NUP37: variants seen among roughly 807,000 people sequenced by gnomAD.
NUP37 encodes the protein nucleoporin Nup37.
A neutral mutation model predicts 45.4 loss-of-function variants in NUP37; 33 were observed. The observed-to-expected ratio is 0.73, with a 90% CI of 0.55 to 0.97. The LOEUF (loss-of-function observed/expected upper bound fraction) is 0.97. Ranked by LOEUF, NUP37 falls within the 50% of genes least tolerant of loss-of-function variation. The pLI is 0.00. For missense variants in NUP37, 365 were observed against 389.7 expected, an observed-to-expected ratio of 0.94 and a Z score of 0.53; for synonymous variants, 127 against 130.7, an observed-to-expected ratio of 0.97 and a Z score of 0.19.
intron 4 of NUP37, 31 bp downstream of exon 4, chr12:102,101,001 G>T: frequency 1.5e-6 from 2 of 1,300,210 alleles, no homozygotes; most frequent in Non-Finnish European, 2.1e-6. Context: ...TTTAAAATAA[G>T]CTCTAAAGAT....
At chr12:102,096,185 T>C (rs1594392611) in intron 5 of NUP37, among the ~76,000 whole-genome samples, 1 of 152,122 alleles carries the variant, frequency 6.6e-6, no homozygotes, top group East Asian at 1.9e-4. Context: ...AAAGGTGTGG[T>C]AGGCATTATA....
intron 4 of NUP37, 69 bp downstream of exon 4, chr12:102,100,963 C>T: frequency 1.1e-6 from 1 of 905,520 alleles, no homozygotes; most frequent in African/African-American, 1.8e-5. Context: ...GGAATAAATC[C>T]AATTAAAAAA....
intron 5 of NUP37, among the ~76,000 whole-genome samples, chr12:102,091,438 CAA>C (rs1384460213): frequency 1.3e-5 from 1 of 78,632 alleles, no homozygotes; most frequent in Non-Finnish European, 2.8e-5. Flanking sequence ...ACCCAAAAAA[CAA>C]AAAAAACCCC....
chr12:102,104,086 C>T (rs985647699), intron 3 of NUP37, among the ~76,000 whole-genome samples: 1 of 152,154 alleles, frequency 6.6e-6, no homozygotes, highest in Non-Finnish European at 1.5e-5. Flanking sequence ...TACTGACCAA[C>T]AGTATAGAAA....
chr12:102,075,070 C>G lies in NUP37; in HGVS notation c.798G>C (p.Leu266=), dbSNP rs774142536. The change falls in exon 9 of 10, where the codon CTG becomes CTC. Residue 266 remains leucine (L), a synonymous_variant. Transcript: ENST00000552283. ...TGCCAGGATAACCAGTGGTTGCAAA[C>G]AGATTTTCACTAATTGTGGACCACC... ...LFRWSTISEN[L]FATTGYPGKM... The G allele has an allele frequency of 2.5e-6, 4 of 1,610,258 alleles. No individual in the cohort carries two copies. Among genetic ancestry groups the G allele is most frequent in the Non-Finnish European group, 2.5e-6 (3 of 1,177,736 alleles).
intron 1 of NUP37, among the ~76,000 whole-genome samples, chr12:102,119,717 C>CA (rs1165554902): frequency 5.3e-5 from 8 of 152,056 alleles, no homozygotes; most frequent in Admixed American, 2.6e-4. Context: ...GACACGGAGA[C>CA]AGAGAGGTAT....
At chr12:102,082,938 G>T (rs1180159345) in intron 6 of NUP37, among the ~76,000 whole-genome samples, 1 of 152,104 alleles carries the variant, frequency 6.6e-6, no homozygotes, top group Non-Finnish European at 1.5e-5. Context: ...AGGGAAAGAA[G>T]AATTAAAGAT....
chr12:102,079,417 GTTA>G (rs1200299391), intron 6 of NUP37, among the ~76,000 whole-genome samples: 1 of 152,138 alleles, frequency 6.6e-6, no homozygotes, highest in Admixed American at 6.6e-5. Flanking sequence ...ATGGTAGTTT[GTTA>G]TTATAAAGTT....
In NUP37 at chr12:102,073,436, A is replaced by G. The variant is rs1401462414; in HGVS notation, c.*918T>C. On this transcript the variant is annotated 3_prime_UTR_variant, in exon 10 of 10. Coordinates refer to ENST00000552283, the MANE Select transcript of NUP37 (RefSeq NM_024057.4). The stretch of plus-strand genomic sequence containing the variant: ...CTTGGTAAGAACAGTGAAAATTCAC[A>G]AAAAGGAGGCTGTTAAAGGTATACA... 6 of 152,222 alleles carry G rather than the reference A, an allele frequency of 3.9e-5. No individual in the cohort carries two copies. Among genetic ancestry groups the G allele is most frequent in the Admixed American group, 3.3e-4 (5 of 15,288 alleles). 9.4% of individuals were successfully genotyped at this position (152,222 alleles called of 1,614,324 possible). A position where few individuals can be genotyped will look rare whatever the true frequency, so the allele number is the denominator to read the frequency against.
chr12:102,111,866 G>A (rs1047243317), intron 3 of NUP37, among the ~76,000 whole-genome samples: 6 of 152,186 alleles, frequency 3.9e-5, no homozygotes, highest in Admixed American at 1.3e-4. Flanking sequence ...TGAATCTCAC[G>A]TAAAAGGTTT....
chr12:102,077,168 T>A, intron 7 of NUP37, 154 bp downstream of exon 7: 1 of 741,548 alleles, frequency 1.3e-6, no homozygotes, highest in Middle Eastern at 2.4e-4. Context: ...CAAGTTTATG[T>A]TATATAAAAA....
intron 3 of NUP37, among the ~76,000 whole-genome samples, chr12:102,102,351 C>G (rs1156726772): frequency 6.6e-6 from 1 of 152,040 alleles, no homozygotes; most frequent in Non-Finnish European, 1.5e-5. Context: ...GATTCTTTGT[C>G]CAAGGTCTTC....
intron 8 of NUP37, among the ~76,000 whole-genome samples, chr12:102,076,076 A>C (rs981774926): frequency 1.3e-5 from 2 of 152,086 alleles, no homozygotes; most frequent in Non-Finnish European, 2.9e-5. Context: ...CCTCCTCTAG[A>C]CTTATAAGTA....
intron 5 of NUP37, among the ~76,000 whole-genome samples, chr12:102,093,188 C>G (rs1020853130): frequency 4.6e-5 from 7 of 151,818 alleles, no homozygotes; most frequent in Non-Finnish European, 1.5e-5. Flanking sequence ...AAGGAGGTAC[C>G]CTGTTTCATA....
At chr12:102,074,698 C>T (rs1879119236) in intron 9 of NUP37, 1 of 456,854 alleles carries the variant, frequency 2.2e-6, no homozygotes, top group Non-Finnish European at 3.8e-6. Flanking sequence ...TTGCAGTCTA[C>T]ACCAACCAAA....
intron 3 of NUP37, among the ~76,000 whole-genome samples, chr12:102,108,922 G>T (rs771569687): frequency 6.6e-6 from 1 of 152,060 alleles, no homozygotes; most frequent in Non-Finnish European, 1.5e-5. Flanking sequence ...CAACTAAAAG[G>T]GTTTGTAAAG....
chr12:102,091,158 A>T (rs146721931), intron 5 of NUP37, among the ~76,000 whole-genome samples: 5,667 of 152,170 alleles, frequency 0.037, 144 homozygotes, highest in African/African-American at 0.068. Flanking sequence ...ACACCTTGGG[A>T]GGCTGAGGCA....
Position 102,118,429 on chromosome 12 carries a change from C to G in NUP37, c.90G>C (p.Gly30=). The change falls in exon 2 of 10, where the codon GGG becomes GGC. Residue 30 remains glycine (G), a synonymous_variant. Coordinates refer to ENST00000552283, the MANE Select transcript of NUP37 (RefSeq NM_024057.4). ...CATATGCAATTAGGTTTCCTGAATC[C>G]CCATTCTCAAAGGGATTAAATTCTA... is the stretch of plus-strand genomic sequence containing the variant. The part of the protein sequence containing the change: ...HVVEFNPFEN[G]DSGNLIAYGG... The G allele has an allele frequency of 6.2e-7, 1 of 1,613,952 alleles. No homozygotes were observed. Among genetic ancestry groups the G allele is most frequent in the Non-Finnish European group, 8.5e-7 (1 of 1,179,980 alleles).
At chr12:102,108,132 A>G (rs560163762) in intron 3 of NUP37, among the ~76,000 whole-genome samples, 1 of 152,322 alleles carries the variant, frequency 6.6e-6, no homozygotes, top group African/African-American at 2.4e-5. Context: ...CTGGGTGTCA[A>G]GAGATTAACA....
Sources: allele counts gnomAD v4.1 joint callset (sites outside exome capture counted in the v4.1 genomes callset), GRCh38; gene constraint gnomAD v4.1.1; transcripts MANE v1.5; gene names NCBI Gene and HGNC (gene_info 2026-07-23, HGNC 2026-07-21).